The following TIAM1 variants were observed in gnomAD, a reference collection of about 807,000 sequenced individuals.
TIAM1 encodes the protein rho guanine nucleotide exchange factor TIAM1.
A neutral mutation model predicts 163.5 loss-of-function variants in TIAM1; 65 were observed. The observed-to-expected ratio is 0.40, with a 90% CI of 0.33 to 0.49. The LOEUF (loss-of-function observed/expected upper bound fraction) is 0.49, where lower values mean the gene tolerates loss of function less well. TIAM1 is among the 20% of genes least tolerant of loss of function. The pLI is 0.77. For synonymous variants in TIAM1, 833 were observed against 810.1 expected (o/e 1.03, Z -0.48); for missense variants, 1,789 against 2,044.7 (o/e 0.87, Z 2.41).
At chr21:31,517,940 A>G (rs2047438883) in intron 1 of TIAM1, among the ~76,000 whole-genome samples, 2 of 152,156 alleles carry the variant, frequency 1.3e-5, no homozygotes, top group Admixed American at 1.3e-4. Flanking sequence ...CCACAGTTTA[A>G]TGCACTTGGT....
chr21:31,557,546 G>A (rs2048922475), intron 1 of TIAM1, among the ~76,000 whole-genome samples: 1 of 152,150 alleles, frequency 6.6e-6, no homozygotes, highest in African/African-American at 2.4e-5. Flanking sequence ...ACACCGAGCA[G>A]GTACTGGAAC....
chr21:31,390,195 A>G (rs976373260), intron 2 of TIAM1, among the ~76,000 whole-genome samples: 2 of 152,196 alleles, frequency 1.3e-5, no homozygotes, highest in Non-Finnish European at 2.9e-5. Context: ...TGATTAAATA[A>G]TTAATGATGT....
At chr21:31,246,316 G>C (rs2095615915) in intron 5 of TIAM1, among the ~76,000 whole-genome samples, 1 of 151,902 alleles carries the variant, frequency 6.6e-6, no homozygotes, top group Non-Finnish European at 1.5e-5. Context: ...CCGGAGTCCT[G>C]GTCCATGCAT....
rs893822098 is a variant in TIAM1 at position 31,258,189 on chromosome 21, T to C, written c.964-6000A>G. Among the ~76,000 whole-genome samples the C allele has an allele frequency of 2.6e-5, 4 of 152,100 alleles. No homozygotes were observed. The South Asian group carries it at 8.3e-4, about 32-fold the overall frequency. ...TTCACCCCAACGAGCTCCACGAGCT[T>C]GTGGATCTTTCCTTGTTGACGCATC... On this transcript the variant is annotated intron_variant, in intron 4 of 27. Coordinates refer to ENST00000541036, the MANE Select transcript of TIAM1 (RefSeq NM_001353694.2).
intron 12 of TIAM1, among the ~76,000 whole-genome samples, chr21:31,201,681 C>A (rs147245448): frequency 6.6e-6 from 1 of 152,164 alleles, no homozygotes; most frequent in Admixed American, 6.5e-5. Flanking sequence ...GAGAATAATA[C>A]TTGGGTTTAA....
chr21:31,429,793 A>G (rs983145764), intron 2 of TIAM1, among the ~76,000 whole-genome samples: 2 of 147,762 alleles, frequency 1.4e-5, no homozygotes, highest in African/African-American at 5.0e-5. Flanking sequence ...AAGTGGAAGA[A>G]ACAGACATGG....
chr21:31,557,316 A>G (rs1174194948), intron 1 of TIAM1, among the ~76,000 whole-genome samples: 1 of 152,186 alleles, frequency 6.6e-6, no homozygotes, highest in African/African-American at 2.4e-5. Context: ...CAGAAAAGGA[A>G]AGCGACAAGG....
At chr21:31,525,191 G>A (rs1243154819) in intron 1 of TIAM1, among the ~76,000 whole-genome samples, 1 of 151,964 alleles carries the variant, frequency 6.6e-6, no homozygotes, top group Non-Finnish European at 1.5e-5. Context: ...CCAACATGGT[G>A]ACACCTGTCT....
At chr21:31,296,370 A>G (rs1289481671) in intron 2 of TIAM1, among the ~76,000 whole-genome samples, 1 of 152,174 alleles carries the variant, frequency 6.6e-6, no homozygotes, top group Non-Finnish European at 1.5e-5. Context: ...ATTTTCGACT[A>G]TTTATATGTG....
At chr21:31,486,714 G>A (rs904930315) in intron 1 of TIAM1, among the ~76,000 whole-genome samples, 3 of 152,174 alleles carry the variant, frequency 2.0e-5, no homozygotes, top group Admixed American at 2.0e-4. Flanking sequence ...CTGATGGGAA[G>A]CCCAAGGACC....
intron 2 of TIAM1, among the ~76,000 whole-genome samples, chr21:31,357,200 T>C (rs1376436598): frequency 6.6e-6 from 1 of 152,194 alleles, no homozygotes; most frequent in Non-Finnish European, 1.5e-5. Flanking sequence ...TTTAAATTCC[T>C]GACCCCTAAT....
At chr21:31,251,202 T>C (rs2071785381) in intron 5 of TIAM1, among the ~76,000 whole-genome samples, 1 of 152,228 alleles carries the variant, frequency 6.6e-6, no homozygotes, top group Non-Finnish European at 1.5e-5. Flanking sequence ...ATCAAACCAG[T>C]TGCATACATG....
Position 31,252,155 on chromosome 21 carries a change from T to C in TIAM1, c.998A>G (p.Asp333Gly). 6.2e-7 allele frequency: 1 copy of C among 1,609,812 alleles called. No homozygotes were observed. Among genetic ancestry groups the C allele is most frequent in the African/African-American group, 1.3e-5 (1 of 75,066 alleles). Residue 333 changes from aspartate (D) to glycine (G), a missense_variant, in exon 5 of 28, where the codon GAC (aspartate) becomes GGC (glycine). Coordinates refer to ENST00000541036, the MANE Select transcript of TIAM1 (RefSeq NM_001353694.2). ...VNAGEGSEFA[D>G]SGIEGATTDT... ...GGTAGTGGCCCCTTCAATCCCACTG[T>C]CTGCAAACTCACTGCCCTCGCCTGC...
intron 1 of TIAM1, among the ~76,000 whole-genome samples, chr21:31,340,507 A>G (rs1171616710): frequency 6.6e-6 from 1 of 152,144 alleles, no homozygotes; most frequent in African/African-American, 2.4e-5. Context: ...AGCATCGTCT[A>G]TCTTCACGTT....
intron 20 of TIAM1, among the ~76,000 whole-genome samples, chr21:31,145,399 G>C (rs1241980795): frequency 6.6e-6 from 1 of 152,230 alleles, no homozygotes; most frequent in Non-Finnish European, 1.5e-5. Context: ...ATCAGCAGCT[G>C]TTTACTTGGC....
intron 23 of TIAM1, among the ~76,000 whole-genome samples, 156 bp downstream of exon 23, chr21:31,135,777 T>C (rs1281354164): frequency 1.3e-5 from 2 of 152,188 alleles, no homozygotes; most frequent in African/African-American, 4.8e-5. Flanking sequence ...TTTCATTTAG[T>C]GTTTGTGAGA....
intron 2 of TIAM1, among the ~76,000 whole-genome samples, chr21:31,288,760 C>T (rs1448671201): frequency 1.3e-5 from 2 of 152,128 alleles, no homozygotes; most frequent in Admixed American, 1.3e-4. Context: ...CCATGAGAGG[C>T]CAGAAGTTTC....
At chr21:31,336,085 T>C in intron 2 of TIAM1, among the ~76,000 whole-genome samples, 1 of 152,148 alleles carries the variant, frequency 6.6e-6, no homozygotes, top group East Asian at 1.9e-4. Flanking sequence ...AGCCTTACAA[T>C]GTCGGGGGCG....
chr21:31,193,473 G>C (rs1160573464), intron 13 of TIAM1, among the ~76,000 whole-genome samples: 1 of 152,140 alleles, frequency 6.6e-6, no homozygotes, highest in Non-Finnish European at 1.5e-5. Flanking sequence ...GCATTTCTCA[G>C]GTGTCCTCAC....
Sources: allele counts gnomAD v4.1 joint callset (sites outside exome capture counted in the v4.1 genomes callset), GRCh38; gene constraint gnomAD v4.1.1; transcripts MANE v1.5; gene names NCBI Gene and HGNC (gene_info 2026-07-23, HGNC 2026-07-21).